The following CTNND2 variants were observed in gnomAD, a reference collection of about 807,000 sequenced individuals.
The protein encoded by CTNND2 is catenin delta-2.
In CTNND2, 22 loss-of-function variants were observed where a neutral mutation model predicts 144.4. The observed-to-expected ratio is 0.15, with a 90% CI of 0.11 to 0.22. CTNND2 has a LOEUF of 0.22. CTNND2 is among the 10% of genes least tolerant of loss of function. The pLI, the probability that CTNND2 is intolerant of heterozygous loss-of-function variation, is 1.00. For synonymous variants in CTNND2, 751 were observed against 695.6 expected (o/e 1.08, Z -1.25); for missense variants, 1,353 against 1,618.8 (o/e 0.84, Z 2.82).
chr5:11,172,314 ACT>A (rs2149788004), intron 11 of CTNND2, among the ~76,000 whole-genome samples: 1 of 152,138 alleles, frequency 6.6e-6, no homozygotes, highest in South Asian at 2.1e-4. Flanking sequence ...AGGAAAAAAA[ACT>A]CTAAGTTATG....
intron 12 of CTNND2, among the ~76,000 whole-genome samples, chr5:11,129,240 TTATATATTATATAAAAATATA>T (rs1755274041): frequency 2.3e-5 from 1 of 43,890 alleles, no homozygotes; most frequent in Admixed American, 4.0e-4. Flanking sequence ...ATATTATATA[TTATATATTATATAAAAATATA>T]AATATATAAA....
intron 12 of CTNND2, 86 bp downstream of exon 12, chr5:11,159,490 G>T: frequency 8.8e-7 from 1 of 1,135,622 alleles, no homozygotes. Context: ...CTGATCCTCA[G>T]TAAAAGAGCC....
chr5:11,051,507 ACATCTCTTAGGAAAGAAG>A, intron 16 of CTNND2, among the ~76,000 whole-genome samples: 1 of 152,234 alleles, frequency 6.6e-6, no homozygotes, highest in Non-Finnish European at 1.5e-5. Context: ...GATTGTATCT[ACATCTCTTAGGAAAGAAG>A]TGAGGAATAG....
chr5:11,611,225 A>G (rs181953297), intron 2 of CTNND2, among the ~76,000 whole-genome samples: 67 of 152,184 alleles, frequency 4.4e-4, no homozygotes, highest in Admixed American at 1.3e-3. Flanking sequence ...TTCTGCCATG[A>G]CTGTAAGTTT....
At chr5:11,546,784 G>A (rs1411796396) in intron 3 of CTNND2, among the ~76,000 whole-genome samples, 4 of 152,070 alleles carry the variant, frequency 2.6e-5, no homozygotes, top group African/African-American at 7.2e-5. Context: ...TCATAAAGCT[G>A]TAATTCTCCC....
intron 7 of CTNND2, among the ~76,000 whole-genome samples, chr5:11,367,274 G>C (rs887102823): frequency 2.0e-5 from 3 of 152,164 alleles, no homozygotes; most frequent in Admixed American, 2.0e-4. Flanking sequence ...TGGCAAGAGA[G>C]ACACAGAGAA....
chr5:11,705,890 C>T (rs2126680008), intron 2 of CTNND2, among the ~76,000 whole-genome samples: 1 of 152,276 alleles, frequency 6.6e-6, no homozygotes, highest in South Asian at 2.1e-4. Flanking sequence ...CCATTATATA[C>T]ACATGCATTA....
At chr5:11,325,424 A>G (rs1281534240) in intron 9 of CTNND2, among the ~76,000 whole-genome samples, 2 of 151,222 alleles carry the variant, frequency 1.3e-5, no homozygotes, top group African/African-American at 4.9e-5. Flanking sequence ...ATTATAATAT[A>G]CAATTATTAA....
At chr5:11,192,813 T>C (rs1486420197) in intron 11 of CTNND2, among the ~76,000 whole-genome samples, 1 of 152,150 alleles carries the variant, frequency 6.6e-6, no homozygotes, top group African/African-American at 2.4e-5. Flanking sequence ...TCAATCTTCC[T>C]TGTGTTAAGC....
At chr5:11,206,440 T>A (rs1286335383) in intron 10 of CTNND2, among the ~76,000 whole-genome samples, 2 of 152,184 alleles carry the variant, frequency 1.3e-5, no homozygotes, top group Admixed American at 6.5e-5. Context: ...CCATTTTTTT[T>A]AAACACAAAA....
intron 9 of CTNND2, among the ~76,000 whole-genome samples, chr5:11,263,313 A>G (rs1335837397): frequency 6.6e-6 from 1 of 152,210 alleles, no homozygotes; most frequent in Non-Finnish European, 1.5e-5. Context: ...ATTTAATTTA[A>G]GTGTATTTTA....
At chr5:11,223,608 C>T (rs186967410) in intron 10 of CTNND2, among the ~76,000 whole-genome samples, 138 of 152,246 alleles carry the variant, frequency 9.1e-4, no homozygotes, top group African/African-American at 3.2e-3. Context: ...TGAACTTGGT[C>T]CTGGGGGAGC....
chr5:11,581,679 T>A (rs1561585286), intron 2 of CTNND2, among the ~76,000 whole-genome samples: 1 of 152,188 alleles, frequency 6.6e-6, no homozygotes, highest in Non-Finnish European at 1.5e-5. Context: ...ATAACTGTCA[T>A]CTTTGGTTGA....
intron 3 of CTNND2, among the ~76,000 whole-genome samples, chr5:11,514,210 A>G (rs1405481091): frequency 6.6e-6 from 1 of 152,104 alleles, no homozygotes; most frequent in African/African-American, 2.4e-5. Context: ...AAGAAAAAAA[A>G]AATGTATGAA....
intron 9 of CTNND2, among the ~76,000 whole-genome samples, chr5:11,240,328 CCCA>C (rs1254548546): frequency 3.0e-5 from 4 of 134,388 alleles, no homozygotes; most frequent in Admixed American, 1.5e-4. Context: ...CACACACACA[CCCA>C]ACACACATAC....
chr5:11,402,501 T>C (rs189330265), intron 5 of CTNND2, among the ~76,000 whole-genome samples: 2 of 152,388 alleles, frequency 1.3e-5, no homozygotes, highest in African/African-American at 2.4e-5. Flanking sequence ...AATGATTTCA[T>C]TTGTAGCAGC....
At chr5:11,662,159 G>A (rs1414668156) in intron 2 of CTNND2, among the ~76,000 whole-genome samples, 1 of 137,584 alleles carries the variant, frequency 7.3e-6, no homozygotes, top group Non-Finnish European at 1.5e-5. Flanking sequence ...ATATATATGT[G>A]TATATATGTG....
At chr5:11,584,759 C>T (rs1318874013) in intron 2 of CTNND2, among the ~76,000 whole-genome samples, 1 of 152,046 alleles carries the variant, frequency 6.6e-6, no homozygotes, top group Non-Finnish European at 1.5e-5. Context: ...AATAATATCA[C>T]CATGCACATG....
At chr5:11,872,107 C>A (rs1000080582) in intron 1 of CTNND2, among the ~76,000 whole-genome samples, 37 of 151,656 alleles carry the variant, frequency 2.4e-4, no homozygotes, top group South Asian at 8.4e-4. Flanking sequence ...TGGTTCAACT[C>A]CCACTTATGA....
Sources: gnomAD v4.1 joint callset for allele counts (sites outside exome capture counted in the v4.1 genomes callset) on GRCh38, gnomAD v4.1.1 for gene constraint, MANE v1.5 for transcripts, NCBI Gene and HGNC (gene_info 2026-07-23, HGNC 2026-07-21) for gene names.